Variants in THADA observed in about 807,000 individuals in gnomAD.
The protein encoded by THADA is THADA armadillo repeat containing, also known as tRNA (32-2'-O)-methyltransferase regulator THADA.
THADA carries 213 observed loss-of-function variants against 219.8 expected under a neutral mutation model. The observed-to-expected ratio is 0.97, with a 90% CI of 0.87 to 1.09. The LOEUF is 1.09. THADA is among the 50% of genes least tolerant of loss of function. The pLI, the probability that THADA is intolerant of heterozygous loss-of-function variation, is 0.00. For missense variants in THADA, 2,956 were observed against 2,311.3 expected, an observed-to-expected ratio of 1.28 and a Z score of -5.72; for synonymous variants, 1,018 against 828.9, an observed-to-expected ratio of 1.23 and a Z score of -3.92.
chr2:43,515,158 T>A (rs1479303248), intron 22 of THADA, among the ~76,000 whole-genome samples: 1,023 of 2,198 alleles, frequency 0.47, 136 homozygotes, highest in African/African-American at 0.58. Context: ...TTTTATATAT[T>A]ATATATAATA....
intron 26 of THADA, among the ~76,000 whole-genome samples, chr2:43,466,195 C>A (rs1347501281): frequency 6.6e-6 from 1 of 152,174 alleles, no homozygotes; most frequent in Non-Finnish European, 1.5e-5. Context: ...TAAAAGGATT[C>A]CATGATTCAA....
At chr2:43,556,116 TAATA>T (rs1697308341) in intron 17 of THADA, 1 of 967,812 alleles carries the variant, frequency 1.0e-6, no homozygotes. Flanking sequence ...AGAGCTTTAT[TAATA>T]AATATTTGTA....
chr2:43,359,001 T>A (rs1669189532), intron 29 of THADA, among the ~76,000 whole-genome samples: 1 of 152,156 alleles, frequency 6.6e-6, no homozygotes, highest in Non-Finnish European at 1.5e-5. Flanking sequence ...TTTGGGTGGT[T>A]GCCCTTCCCC....
chr2:43,245,878 C>T (rs1287068307), intron 36 of THADA, among the ~76,000 whole-genome samples: 2 of 152,074 alleles, frequency 1.3e-5, no homozygotes, highest in Non-Finnish European at 2.9e-5. Flanking sequence ...ATGTTTCTCT[C>T]TTGAGGACTT....
intron 27 of THADA, among the ~76,000 whole-genome samples, chr2:43,429,304 G>A (rs1202457101): frequency 2.6e-5 from 4 of 151,968 alleles, no homozygotes; most frequent in African/African-American, 7.2e-5. Context: ...ACAGGGTTTC[G>A]CCATGCTGGC....
intron 26 of THADA, among the ~76,000 whole-genome samples, chr2:43,464,138 G>C (rs565812635): frequency 2.8e-4 from 42 of 152,206 alleles, no homozygotes; most frequent in African/African-American, 9.9e-4. Context: ...TCATCCGTGA[G>C]GCTTAATATG....
chr2:43,251,188 G>A (rs1669772260), intron 36 of THADA, among the ~76,000 whole-genome samples: 1 of 152,178 alleles, frequency 6.6e-6, no homozygotes, highest in Admixed American at 6.5e-5. Flanking sequence ...AGTGGATCCT[G>A]TGAAACACAG....
intron 29 of THADA, among the ~76,000 whole-genome samples, chr2:43,386,774 G>GT (rs1672739227): frequency 6.6e-6 from 1 of 151,722 alleles, no homozygotes. Flanking sequence ...GCGCGTGCCT[G>GT]TAATTCCAGC....
chr2:43,444,288 G>C (rs148381555), intron 26 of THADA, among the ~76,000 whole-genome samples: 3 of 152,114 alleles, frequency 2.0e-5, no homozygotes, highest in Admixed American at 1.3e-4. Context: ...TAACATAGTA[G>C]TCTCTGTGTT....
At chr2:43,386,317 CTT>C (rs1672675311) in intron 29 of THADA, among the ~76,000 whole-genome samples, 1 of 151,908 alleles carries the variant, frequency 6.6e-6, no homozygotes, top group South Asian at 2.1e-4. Flanking sequence ...TAAGATTTAA[CTT>C]ATGTTTTTTT....
intron 35 of THADA, among the ~76,000 whole-genome samples, chr2:43,282,547 TG>T (rs1299382152): frequency 2.6e-5 from 4 of 152,168 alleles, no homozygotes; most frequent in Non-Finnish European, 5.9e-5. Context: ...TCTTGAGGGC[TG>T]GGCATGGAAG....
At chr2:43,327,383 G>T (rs144163102) in intron 30 of THADA, among the ~76,000 whole-genome samples, 4 of 151,202 alleles carry the variant, frequency 2.6e-5, no homozygotes, top group Non-Finnish European at 5.9e-5. Context: ...GGCCCATAAC[G>T]GGCTGGAAAG....
At chr2:43,478,467 A>G (rs1442446820) in intron 26 of THADA, among the ~76,000 whole-genome samples, 4 of 152,176 alleles carry the variant, frequency 2.6e-5, no homozygotes, top group Admixed American at 6.5e-5. Flanking sequence ...ACTTTATCTC[A>G]TACTCCTGGA....
chr2:43,395,186 A>C (rs1673877997), intron 29 of THADA, among the ~76,000 whole-genome samples: 1 of 152,236 alleles, frequency 6.6e-6, no homozygotes, highest in African/African-American at 2.4e-5. Context: ...CCAAGAGTGG[A>C]TCTTCAGTAA....
rs114383870 is a variant in THADA, at chr2:43,472,559, G to C, written c.3836+12675C>G. ...AGATGGAGATGATGACCTGGTGCTAGGTTTCTGGGGAAAACCGGGCACTTG... is the reference window on the plus strand; with the variant it reads ...AGATGGAGATGATGACCTGGTGCTACGTTTCTGGGGAAAACCGGGCACTTG... On this transcript the variant is annotated intron_variant, in intron 26 of 37. Transcript: ENST00000405975. Among the ~76,000 whole-genome samples, 142 of 152,306 alleles carry C rather than the reference G, an allele frequency of 9.3e-4. 1 individual carries two copies. Among genetic ancestry groups the C allele is most frequent in the African/African-American group, 3.2e-3 (134 of 41,572 alleles).
intron 30 of THADA, among the ~76,000 whole-genome samples, chr2:43,340,229 A>G (rs944716666): frequency 1.3e-5 from 2 of 152,226 alleles, no homozygotes; most frequent in Non-Finnish European, 2.9e-5. Context: ...AGGCTTTGAC[A>G]TCCTGGAATG....
In THADA at chr2:43,514,593, G is replaced by A. The variant is rs1558887366; in HGVS notation, c.3375-5813C>T. On this transcript the variant is annotated intron_variant, in intron 22 of 37. Coordinates refer to ENST00000405975, the MANE Select transcript of THADA (RefSeq NM_022065.5). ...TAACATATATGTATATTTTATATAT[G>A]TATATTTTATATATATTTTATATAT... is the stretch of plus-strand genomic sequence containing the variant. Among the ~76,000 whole-genome samples, 525 of 94,554 alleles carry A rather than the reference G, an allele frequency of 5.6e-3. 84 individuals are homozygous for A. The highest frequency in any genetic ancestry group is 0.012 in the African/African-American group (254 of 21,576). 62.0% of individuals were successfully genotyped at this position (94,554 alleles called of 152,430 possible). A position where few individuals can be genotyped will look rare whatever the true frequency, so the allele number is the denominator to read the frequency against.
chr2:43,546,964 C>T (rs1476646759), intron 20 of THADA, among the ~76,000 whole-genome samples: 5 of 152,090 alleles, frequency 3.3e-5, no homozygotes, highest in Admixed American at 2.6e-4. Flanking sequence ...TTCTTCCTAG[C>T]CTCAATGGTC....
intron 30 of THADA, among the ~76,000 whole-genome samples, chr2:43,334,617 C>T (rs945963424): frequency 6.6e-6 from 1 of 151,982 alleles, no homozygotes; most frequent in South Asian, 2.1e-4. Context: ...AAGCACTGGT[C>T]CCAAAAAATT....
Sources: gnomAD v4.1 joint callset for allele counts (sites outside exome capture counted in the v4.1 genomes callset) on GRCh38, gnomAD v4.1.1 for gene constraint, MANE v1.5 for transcripts, NCBI Gene and HGNC (gene_info 2026-07-23, HGNC 2026-07-21) for gene names.